The following RPS6KC1 variants were observed in gnomAD, a reference collection of about 807,000 sequenced individuals.
RPS6KC1 encodes ribosomal protein S6 kinase C1.
A neutral mutation model predicts 103.8 loss-of-function variants in RPS6KC1; 54 were observed. The ratio of observed to expected loss-of-function variants is 0.52; its 90% CI spans 0.42 to 0.65. The LOEUF is 0.65. Ranked by LOEUF, RPS6KC1 falls within the 30% of genes least tolerant of loss-of-function variation. The pLI is 0.00. For synonymous variants in RPS6KC1, 439 were observed against 438.7 expected (o/e 1.00, Z -0.01); for missense variants, 1,151 against 1,253.8 (o/e 0.92, Z 1.24).
At chr1:213,616,598 G>A in the RPS6KC1 span, among the ~76,000 whole-genome samples, 5 of 152,182 alleles carry the variant, frequency 3.3e-5, no homozygotes, top group African/African-American at 1.2e-4. Context: ...GATCGCTTGA[G>A]CCCAGGAGTT....
chr1:213,589,892 T>G, the RPS6KC1 span, among the ~76,000 whole-genome samples: 5 of 116,590 alleles, frequency 4.3e-5, no homozygotes, highest in South Asian at 1.7e-3. Context: ...TCACATATAT[T>G]TTTTGTGGGC....
chr1:213,052,761 C>A (rs1430135367), intron 1 of RPS6KC1, among the ~76,000 whole-genome samples: 2 of 152,092 alleles, frequency 1.3e-5, no homozygotes, highest in African/African-American at 4.8e-5. Context: ...AGGCTCATTT[C>A]GAAGTCCTGA....
chr1:213,108,840 G>A (rs2082735653), intron 4 of RPS6KC1, among the ~76,000 whole-genome samples: 1 of 151,856 alleles, frequency 6.6e-6, no homozygotes, highest in Admixed American at 6.6e-5. Flanking sequence ...TGTAGAGACA[G>A]GTTCTCACTG....
At chr1:213,498,197 C>T in the RPS6KC1 span, among the ~76,000 whole-genome samples, 4 of 152,042 alleles carry the variant, frequency 2.6e-5, no homozygotes, top group African/African-American at 4.8e-5. Context: ...ATTCCTTTGA[C>T]GATATACCCA....
chr1:213,241,233 C>G lies in RPS6KC1; in HGVS notation c.1757C>G (p.Thr586Arg). ...DDPEAVSSPR[T>R]SDSLSRSKNS... ...CCAGAAGCAGTTAGTTCTCCAAGAA[C>G]ATCAGATTCCCTCAGTAGATCAAAA... The change falls in exon 11 of 15, where the codon ACA (threonine) becomes AGA (arginine). Residue 586 changes from threonine (T) to arginine (R), a missense_variant. By Grantham distance (71) the Thr-to-Arg change is moderately conservative (BLOSUM62 -1). Coordinates refer to ENST00000366960, the MANE Select transcript of RPS6KC1 (RefSeq NM_012424.6). 1.2e-6 allele frequency: 2 copies of G among 1,613,848 alleles called. No individual in the cohort carries two copies. Among genetic ancestry groups the G allele is most frequent in the Non-Finnish European group, 1.7e-6 (2 of 1,179,870 alleles).
chr1:213,857,413 T>C, the RPS6KC1 span, among the ~76,000 whole-genome samples: 1 of 152,236 alleles, frequency 6.6e-6, no homozygotes, highest in African/African-American at 2.4e-5. Context: ...TACCAGACTT[T>C]AATGTGTTCA....
chr1:213,597,774 A>G, the RPS6KC1 span, among the ~76,000 whole-genome samples: 2 of 152,168 alleles, frequency 1.3e-5, no homozygotes, highest in Non-Finnish European at 2.9e-5. Context: ...GCTCTGAATG[A>G]AGGACCCACT....
the RPS6KC1 span, among the ~76,000 whole-genome samples, chr1:213,353,102 A>G: frequency 6.6e-6 from 1 of 152,216 alleles, no homozygotes; most frequent in African/African-American, 2.4e-5. Flanking sequence ...CTAATGTATT[A>G]TGTGTATTGT....
chr1:213,209,420 G>A (rs1056155132), intron 8 of RPS6KC1, among the ~76,000 whole-genome samples: 1 of 152,150 alleles, frequency 6.6e-6, no homozygotes, highest in Non-Finnish European at 1.5e-5. Flanking sequence ...AGGAGGCCAG[G>A]TGTGGTGGCT....
chr1:213,253,076 A>G (rs2094573079), intron 12 of RPS6KC1, among the ~76,000 whole-genome samples: 1 of 152,242 alleles, frequency 6.6e-6, no homozygotes, highest in Non-Finnish European at 1.5e-5. Context: ...GTTCTAAATT[A>G]CAATAGAATT....
At chr1:213,657,646 A>T in the RPS6KC1 span, among the ~76,000 whole-genome samples, 15 of 152,330 alleles carry the variant, frequency 9.8e-5, no homozygotes, top group Middle Eastern at 3.4e-3. Context: ...GGCAGAACGT[A>T]TACAAACACA....
chr1:213,753,171 A>G, the RPS6KC1 span, among the ~76,000 whole-genome samples: 2 of 152,132 alleles, frequency 1.3e-5, no homozygotes, highest in African/African-American at 4.8e-5. Context: ...TGGGACAGGG[A>G]TGAAAAAATA....
the RPS6KC1 span, among the ~76,000 whole-genome samples, chr1:213,709,284 T>G: frequency 6.6e-6 from 1 of 152,110 alleles, no homozygotes; most frequent in African/African-American, 2.4e-5. Flanking sequence ...CTTGGGAGGG[T>G]GTATGTGTCC....
At chr1:213,469,263 G>A in the RPS6KC1 span, among the ~76,000 whole-genome samples, 2 of 152,150 alleles carry the variant, frequency 1.3e-5, no homozygotes, top group Admixed American at 1.3e-4. Flanking sequence ...CTGAGTGGTG[G>A]TAAACCTGAA....
chr1:213,210,464 G>A (rs558583804), intron 8 of RPS6KC1, among the ~76,000 whole-genome samples: 2 of 152,288 alleles, frequency 1.3e-5, no homozygotes, highest in Admixed American at 6.5e-5. Context: ...ACTGAAAACC[G>A]TCCAAACATT....
the RPS6KC1 span, among the ~76,000 whole-genome samples, chr1:213,478,381 T>C: frequency 0.34 from 52,408 of 151,944 alleles, 10,184 homozygotes; most frequent in East Asian, 0.6. Context: ...TATCAAGGAG[T>C]GCACTTGCCA....
chr1:213,148,997 A>G (rs943789998), intron 6 of RPS6KC1, among the ~76,000 whole-genome samples: 1 of 152,092 alleles, frequency 6.6e-6, no homozygotes, highest in Admixed American at 6.5e-5. Flanking sequence ...TGATCCTTTG[A>G]ATTTCTGCAG....
At chr1:213,137,469 G>A (rs2086418144) in intron 6 of RPS6KC1, among the ~76,000 whole-genome samples, 1 of 151,844 alleles carries the variant, frequency 6.6e-6, no homozygotes, top group African/African-American at 2.4e-5. Context: ...GAGTAGCTGA[G>A]ATTACAGGCA....
intron 6 of RPS6KC1, among the ~76,000 whole-genome samples, chr1:213,153,326 G>GGGGCAGGGGCAC (rs1348802261): frequency 2.6e-5 from 4 of 152,006 alleles, no homozygotes; most frequent in Non-Finnish European, 5.9e-5. Flanking sequence ...GGCAGGGGCA[G>GGGGCAGGGGCAC]GGGCAGGGGC....
Sources: gnomAD v4.1 joint callset for allele counts (sites outside exome capture counted in the v4.1 genomes callset) on GRCh38, gnomAD v4.1.1 for gene constraint, MANE v1.5 for transcripts, NCBI Gene and HGNC (gene_info 2026-07-23, HGNC 2026-07-21) for gene names.